Variants in OR14A16 observed in about 807,000 individuals in gnomAD.
OR14A16 encodes olfactory receptor family 14 subfamily A member 16.
For missense variants in OR14A16, 341 were observed against 366.5 expected (o/e 0.93, Z 0.57); for synonymous variants, 135 against 137.6 (o/e 0.98, Z 0.13).
intron 2 of OR14A16, 40 bp from the exon 3 acceptor site, chr1:247,815,784 C>A: frequency 1.2e-6 from 1 of 815,216 alleles, no homozygotes; most frequent in Non-Finnish European, 1.9e-6. Flanking sequence ...ATATCAATGT[C>A]CACTCTTTAA....
rs758970004 is a variant in OR14A16 at position 247,815,589 on chromosome 1, T to C, written c.141A>G (p.Thr47=). The part of the protein sequence containing the change: ...LMGNVLIIMI[T]TLDHHLHTPV... ...GGGTGTGGAGATGATGGTCCAAAGT[T>C]GTGATCATGATAATGAGGACATTCC... Residue 47 remains threonine, a synonymous_variant, in exon 3 of 3, where the codon ACA becomes ACG. Transcript: ENST00000641093. 8.7e-6 allele frequency: 14 copies of C among 1,613,956 alleles called. No individual in the cohort carries two copies. Among genetic ancestry groups the C allele is most frequent in the Admixed American group, 3.3e-5 (2 of 60,012 alleles).
chr1:247,818,122 C>CA (rs1219864920), intron 2 of OR14A16, among the ~76,000 whole-genome samples: 2 of 151,700 alleles, frequency 1.3e-5, no homozygotes, highest in Non-Finnish European at 2.9e-5. Context: ...ATTTTAACCC[C>CA]AAAATTTTTA....
At chr1:247,819,398 TAAA>T (rs56129368) in intron 1 of OR14A16, among the ~76,000 whole-genome samples, 7 of 150,942 alleles carry the variant, frequency 4.6e-5, no homozygotes, top group African/African-American at 9.8e-5. Flanking sequence ...GGAGCAGATT[TAAA>T]AAAAAAAGAC....
chr1:247,816,868 T>G (rs1662631189), intron 2 of OR14A16, among the ~76,000 whole-genome samples: 1 of 151,834 alleles, frequency 6.6e-6, no homozygotes, highest in Non-Finnish European at 1.5e-5. Flanking sequence ...TCAAGCTTTT[T>G]TCTCTTTCAT....
intron 1 of OR14A16, among the ~76,000 whole-genome samples, chr1:247,820,382 T>C (rs1280005638): frequency 6.6e-6 from 1 of 151,996 alleles, no homozygotes; most frequent in Non-Finnish European, 1.5e-5. Flanking sequence ...TGTTATTGTT[T>C]ATGATTTTTA....
At position 247,815,530 on chromosome 1, in the gene OR14A16, A is replaced by T; in HGVS notation, c.200T>A (p.Leu67Ter). ...VYFFLKNLSF[L>*]DLCLISVTAP... ...CGTGACTGAAATAAGGCAGAGATCC[A>T]AGAAAGATAGATTCTTCAAGAAGAA... The change falls in exon 3 of 3, where the codon TTG (leucine) becomes TAG (stop). Residue 67 changes from leucine (L) to a stop codon, truncating the protein, a stop_gained. Coordinates refer to ENST00000641093, the MANE Select transcript of OR14A16 (RefSeq NM_001001966.2). LOFTEE classifies it low-confidence loss of function (END_TRUNC). 6.2e-7 allele frequency: 1 copy of T among 1,614,114 alleles called. No homozygotes were observed. Among genetic ancestry groups the T allele is most frequent in the South Asian group, 1.1e-5 (1 of 91,078 alleles).
Position 247,815,463 on chromosome 1 carries a change from G to T in OR14A16, c.267C>A (p.Ser89=), listed in dbSNP as rs773160402. 3 of 1,614,016 alleles carry T rather than the reference G, an allele frequency of 1.9e-6. No homozygotes were observed. In the South Asian group the frequency reaches 3.3e-5, roughly 18 times the overall value. ...SIANSLIHNN[S]ISFLGCVSQV... ...GGGAAACACAGCCAAGGAATGAAAT[G>T]GAGTTGTTGTGTATCAAAGAATTGG... Residue 89 remains serine, a synonymous_variant, in exon 3 of 3, where the codon TCC becomes TCA. Transcript: ENST00000641093.
intron 2 of OR14A16, 100 bp from the exon 3 acceptor site, chr1:247,815,844 C>G (rs568853673): frequency 3.7e-6 from 2 of 534,638 alleles, no homozygotes; most frequent in Admixed American, 6.9e-5. Flanking sequence ...GAAACACACA[C>G]ACGTACCACA....
intron 1 of OR14A16, among the ~76,000 whole-genome samples, chr1:247,821,503 C>T (rs34216018): frequency 0.14 from 21,914 of 151,792 alleles, 1,855 homozygotes; most frequent in Non-Finnish European, 0.18. Context: ...CCCTTTATCA[C>T]TATATAATAA....
In OR14A16 at chr1:247,815,390, T is replaced by G; in HGVS notation, c.340A>C (p.Thr114Pro). ...GTATAGCGGTCAAAGGACATCACCG[T>G]GAGGAGGAGCAGCTCTGCAGATGCT... is the stretch of plus-strand genomic sequence containing the variant. ...SSASAELLLL[T>P]VMSFDRYTAI... The change falls in exon 3 of 3, where the codon ACG becomes CCG. Residue 114 changes from threonine (T) to proline (P), a missense_variant. Thr to Pro is a conservative substitution (Grantham distance 38). Coordinates refer to ENST00000641093, the MANE Select transcript of OR14A16 (RefSeq NM_001001966.2). 6.2e-7 allele frequency: 1 copy of G among 1,613,662 alleles called. No individual in the cohort carries two copies. Among genetic ancestry groups the G allele is most frequent in the Non-Finnish European group, 8.5e-7 (1 of 1,179,878 alleles).
intron 1 of OR14A16, among the ~76,000 whole-genome samples, chr1:247,820,856 G>T (rs1219934776): frequency 3.9e-5 from 5 of 129,266 alleles, no homozygotes; most frequent in African/African-American, 1.6e-4. Context: ...GTAAAGCACC[G>T]TCTCAAAAAA....
chr1:247,815,937 T>C (rs1490213819), intron 2 of OR14A16, among the ~76,000 whole-genome samples, 193 bp from the exon 3 acceptor site: 1 of 152,248 alleles, frequency 6.6e-6, no homozygotes, highest in African/African-American at 2.4e-5. Flanking sequence ...AAGCATTTCC[T>C]GATTAATTTC....
At chr1:247,821,230 T>A (rs1662733556) in intron 1 of OR14A16, among the ~76,000 whole-genome samples, 1 of 152,222 alleles carries the variant, frequency 6.6e-6, no homozygotes, top group South Asian at 2.1e-4. Flanking sequence ...GGAACATATC[T>A]TCTGCTGCTA....
intron 1 of OR14A16, among the ~76,000 whole-genome samples, chr1:247,821,119 A>G (rs12129305): frequency 0.15 from 22,178 of 152,276 alleles, 1,874 homozygotes; most frequent in Non-Finnish European, 0.19. Context: ...TGTAGTCAGA[A>G]AAGATACTTG....
Position 247,814,838 on chromosome 1 carries a change from G to A in OR14A16, c.892C>T (p.Leu298=). The part of the protein sequence containing the change: ...SLRNKAIKVA[L]GMLIKGKLTK... Reference sequence around the variant, plus strand: ...AGCTTTCCCTTTATCAACATCCCCAGAGCCACCTTTATGGCCTTGTTTCTC... The same window carrying A: ...AGCTTTCCCTTTATCAACATCCCCAAAGCCACCTTTATGGCCTTGTTTCTC... The change falls in exon 3 of 3, where the codon CTG becomes TTG. Residue 298 remains leucine (L), a synonymous_variant. Transcript: ENST00000641093. The A allele has an allele frequency of 6.3e-7, 1 of 1,594,040 alleles. No homozygotes were observed. The highest frequency in any genetic ancestry group is 8.5e-7 in the Non-Finnish European group (1 of 1,173,490).
Position 247,815,228 on chromosome 1 carries a change from C to T in OR14A16, c.502G>A (p.Gly168Arg). The T allele has an allele frequency of 6.5e-7, 1 of 1,533,296 alleles. No homozygotes were observed. The highest frequency in any genetic ancestry group is 2.5e-5 in the East Asian group (1 of 40,270). The allele number at this position is 1,533,296 out of a possible 1,614,324, so 95.0% of individuals were successfully genotyped here. Residue 168 changes from glycine to arginine, a missense_variant, in exon 3 of 3, where the codon GGG becomes AGG. Physicochemically the swap from Gly to Arg is moderately radical, Grantham distance 125. Coordinates refer to ENST00000641093, the MANE Select transcript of OR14A16 (RefSeq NM_001001966.2). ...TAGTFSLSYC[G>R]SNMVHQFFCD... ...AAGAACTGATGGACCATGTTGGACC[C>T]ACAGTAGGATAAGGAGAAGGTGCCA...
intron 1 of OR14A16, among the ~76,000 whole-genome samples, chr1:247,822,339 C>A (rs1472057349): frequency 6.8e-6 from 1 of 147,306 alleles, no homozygotes. Flanking sequence ...GGGATGCTGG[C>A]GAAAACTAAC....
intron 2 of OR14A16, among the ~76,000 whole-genome samples, chr1:247,816,040 C>T (rs56038533): frequency 0.1 from 15,329 of 152,042 alleles, 1,268 homozygotes; most frequent in African/African-American, 0.23. Flanking sequence ...AAATTTTCTA[C>T]GGATGTTATC....
Position 247,815,652 on chromosome 1 carries a change from C to T in OR14A16, c.78G>A (p.Ser26=), listed in dbSNP as rs148164063. The change falls in exon 3 of 3, where the codon TCG becomes TCA. Residue 26 remains serine, a synonymous_variant. Transcript: ENST00000641093. ...STNKNMCILH[S]ILFLLIYLCA... ...ACAAATAAATCAACAAGAAGAGAATCGAATGCAAAATGCACATATTTTTAT... is the reference window on the plus strand; with the variant it reads ...ACAAATAAATCAACAAGAAGAGAATTGAATGCAAAATGCACATATTTTTAT... 5.3e-5 allele frequency: 86 copies of T among 1,611,108 alleles called. No individual in the cohort carries two copies. In the South Asian group the frequency reaches 9.1e-4, roughly 17 times the overall value.
Sources: allele counts gnomAD v4.1 joint callset (sites outside exome capture counted in the v4.1 genomes callset), GRCh38; gene constraint gnomAD v4.1.1; transcripts MANE v1.5; gene names NCBI Gene and HGNC (gene_info 2026-07-23, HGNC 2026-07-21).